GRIN2A: variants seen among roughly 807,000 people sequenced by gnomAD.
GRIN2A encodes the protein glutamate ionotropic receptor NMDA type subunit 2A.
GRIN2A carries 22 observed loss-of-function variants against 113.4 expected under a neutral mutation model. That is an observed-to-expected ratio of 0.19 (90% CI 0.14 to 0.28). The LOEUF is 0.28. Ranked by LOEUF, GRIN2A falls within the 10% of genes least tolerant of loss-of-function variation. GRIN2A has a pLI of 1.00. For synonymous variants in GRIN2A, 827 were observed against 738.4 expected (o/e 1.12, Z -1.94); for missense variants, 1,502 against 1,887.0 (o/e 0.80, Z 3.78).
At chr16:10,094,169 C>G (rs1304012655) in intron 2 of GRIN2A, among the ~76,000 whole-genome samples, 1 of 152,130 alleles carries the variant, frequency 6.6e-6, no homozygotes, top group Admixed American at 6.5e-5. Flanking sequence ...ATGACTGGGT[C>G]CCTGGTTATA....
At chr16:9,905,754 G>C (rs985072648) in intron 3 of GRIN2A, among the ~76,000 whole-genome samples, 1 of 152,092 alleles carries the variant, frequency 6.6e-6, no homozygotes, top group East Asian at 1.9e-4. Flanking sequence ...ATATATACAA[G>C]GGGGAGGGGT....
At chr16:9,848,028 T>C (rs1363902041) in intron 5 of GRIN2A, among the ~76,000 whole-genome samples, 4 of 146,856 alleles carry the variant, frequency 2.7e-5, no homozygotes, top group Admixed American at 2.0e-4. Context: ...TGTTAATATA[T>C]GAAAATGTTT....
At chr16:10,017,033 A>G (rs1207983778) in intron 2 of GRIN2A, among the ~76,000 whole-genome samples, 3 of 152,246 alleles carry the variant, frequency 2.0e-5, no homozygotes. Flanking sequence ...CTAAGGGATC[A>G]GAGCCTATGG....
chr16:10,143,992 A>G (rs1189123836), intron 2 of GRIN2A, among the ~76,000 whole-genome samples: 1 of 152,026 alleles, frequency 6.6e-6, no homozygotes, highest in Non-Finnish European at 1.5e-5. Context: ...TTTAAATAAG[A>G]TTGTCCCCAA....
intron 2 of GRIN2A, among the ~76,000 whole-genome samples, chr16:10,020,044 C>T (rs982140542): frequency 6.6e-6 from 1 of 152,206 alleles, no homozygotes; most frequent in Non-Finnish European, 1.5e-5. Context: ...TCACATTGTA[C>T]ACCTTGAATA....
In GRIN2A at chr16:10,046,507, T is replaced by C. The variant is rs74005153; in HGVS notation, c.415-107956A>G. ...GCATCCCAATATAAACACCTTCCCATCTTTTCCATAACAAACCTACTTTGC... is the reference window on the plus strand; with the variant it reads ...GCATCCCAATATAAACACCTTCCCACCTTTTCCATAACAAACCTACTTTGC... On this transcript the variant is annotated intron_variant, in intron 2 of 12. Transcript: ENST00000330684. Among the ~76,000 whole-genome samples the C allele has an allele frequency of 3.4e-3, 512 of 152,228 alleles. 2 individuals carry two copies. Among genetic ancestry groups the C allele is most frequent in the African/African-American group, 0.012 (492 of 41,528 alleles).
chr16:9,854,066 A>G (rs1332745595), intron 4 of GRIN2A, among the ~76,000 whole-genome samples: 1 of 152,158 alleles, frequency 6.6e-6, no homozygotes, highest in Non-Finnish European at 1.5e-5. Context: ...TTCTATGTCC[A>G]CAGCTTCTAA....
intron 2 of GRIN2A, among the ~76,000 whole-genome samples, chr16:9,966,958 C>G (rs985789032): frequency 6.6e-6 from 1 of 152,202 alleles, no homozygotes. Flanking sequence ...AATAGTGACT[C>G]ATTTTCCACA....
intron 11 of GRIN2A, among the ~76,000 whole-genome samples, chr16:9,790,554 A>G (rs1030777366): frequency 2.0e-5 from 3 of 152,236 alleles, no homozygotes; most frequent in African/African-American, 7.2e-5. Context: ...ATTAAAGAGC[A>G]TAATACAGGG....
At chr16:10,073,901 C>A (rs1368811880) in intron 2 of GRIN2A, among the ~76,000 whole-genome samples, 15 of 128,278 alleles carry the variant, frequency 1.2e-4, no homozygotes, top group Admixed American at 8.8e-4. Context: ...ATCTGTGTGA[C>A]AGAGTGAGAC....
In GRIN2A at chr16:10,009,907, G is replaced by C. The variant is rs546501296; in HGVS notation, c.415-71356C>G. Among the ~76,000 whole-genome samples the C allele has an allele frequency of 7.2e-5, 11 of 152,338 alleles. No homozygotes were observed. In the South Asian group the frequency reaches 1.9e-3, roughly 26 times the overall value. ...GTGGGACCACAATGAACAAGAGGCA[G>C]AGACAGGCCGGATGATGGCCAAATG... On this transcript the variant is annotated intron_variant, in intron 2 of 12. Coordinates refer to ENST00000330684, the MANE Select transcript of GRIN2A (RefSeq NM_001134407.3).
intron 2 of GRIN2A, among the ~76,000 whole-genome samples, chr16:10,170,600 G>A (rs11074627): frequency 0.17 from 25,119 of 152,102 alleles, 2,580 homozygotes; most frequent in East Asian, 0.47. Context: ...TTGGGGCTGG[G>A]GACGGTGGCT....
At chr16:10,130,452 G>A (rs762856855) in intron 2 of GRIN2A, among the ~76,000 whole-genome samples, 7 of 152,174 alleles carry the variant, frequency 4.6e-5, no homozygotes, top group Non-Finnish European at 7.3e-5. Flanking sequence ...ATGATTCACC[G>A]AACATCCCCT....
At chr16:10,095,438 T>G (rs1360345314) in intron 2 of GRIN2A, among the ~76,000 whole-genome samples, 2 of 152,164 alleles carry the variant, frequency 1.3e-5, no homozygotes, top group East Asian at 3.8e-4. Flanking sequence ...TTAAGAATCT[T>G]GAGCCCATGC....
chr16:9,812,802 C>G (rs1207072219), intron 10 of GRIN2A, among the ~76,000 whole-genome samples: 2 of 152,132 alleles, frequency 1.3e-5, no homozygotes, highest in African/African-American at 4.8e-5. Context: ...ACGGATAAAG[C>G]AATTGGAGTT....
intron 3 of GRIN2A, among the ~76,000 whole-genome samples, chr16:9,918,270 G>A (rs569568593): frequency 6.6e-6 from 1 of 152,130 alleles, no homozygotes; most frequent in Non-Finnish European, 1.5e-5. Context: ...TATCCACAGG[G>A]AATATGTTCC....
In GRIN2A at chr16:9,922,934, T is replaced by C. The variant is rs549262379; in HGVS notation, c.1007+15025A>G. ...ATGATATATCCTCATAAATTTTCTG[T>C]ATACATTTGAAAAATGTGTGTTCTG... On this transcript the variant is annotated intron_variant, in intron 3 of 12. Coordinates refer to ENST00000330684, the MANE Select transcript of GRIN2A (RefSeq NM_001134407.3). Among the ~76,000 whole-genome samples, 14 of 152,312 alleles carry C rather than the reference T, an allele frequency of 9.2e-5. 1 individual carries two copies. In the East Asian group the frequency reaches 2.7e-3, roughly 29 times the overall value.
chr16:10,018,247 GTA>G (rs972534640), intron 2 of GRIN2A, among the ~76,000 whole-genome samples: 11 of 152,306 alleles, frequency 7.2e-5, no homozygotes, highest in African/African-American at 2.6e-4. Flanking sequence ...CCATAAGACT[GTA>G]TGTGAAAAAG....
chr16:10,132,800 T>C (rs925994317), intron 2 of GRIN2A, among the ~76,000 whole-genome samples: 33 of 152,342 alleles, frequency 2.2e-4, no homozygotes, highest in African/African-American at 7.7e-4. Context: ...AAGTTTCCCA[T>C]TGCTGCTGTA....
Sources: allele counts gnomAD v4.1 joint callset (sites outside exome capture counted in the v4.1 genomes callset), GRCh38; gene constraint gnomAD v4.1.1; transcripts MANE v1.5; gene names NCBI Gene and HGNC (gene_info 2026-07-23, HGNC 2026-07-21).